PIK3C3: variants seen among roughly 807,000 people sequenced by gnomAD.
PIK3C3 encodes the protein PI3-kinase type 3.
Under a neutral mutation model 126.1 loss-of-function variants are expected in PIK3C3, and 95 were observed. The observed-to-expected ratio is 0.75, with a 90% CI of 0.64 to 0.89. PIK3C3 has a LOEUF of 0.89. PIK3C3 is among the 40% of genes least tolerant of loss of function. The probability of loss-of-function intolerance (pLI) is 0.00; values close to 1 mark genes in which losing one functional copy is unlikely to be tolerated. For missense variants in PIK3C3, 829 were observed against 1,063.2 expected (o/e 0.78, Z 3.06); for synonymous variants, 374 against 360.0 (o/e 1.04, Z -0.44).
rs1400164582 is a variant in PIK3C3, at chr18:42,086,694, T to C, written c.*5557T>C. On this transcript the variant is annotated 3_prime_UTR_variant, in exon 25 of 25. Coordinates refer to ENST00000262039, the MANE Select transcript of PIK3C3 (RefSeq NM_002647.4). Reference sequence around the variant, plus strand: ...ACAGTTTACAAATGCCATAACAACATCAGGAAGTTACCCTATATGGTCTAA... The same window carrying C: ...ACAGTTTACAAATGCCATAACAACACCAGGAAGTTACCCTATATGGTCTAA... 1 of 152,004 alleles carries C rather than the reference T, an allele frequency of 6.6e-6. No individual in the cohort carries two copies. The highest frequency in any genetic ancestry group is 1.5e-5 in the Non-Finnish European group (1 of 67,954). The allele number at this position is 152,004 out of a possible 1,614,324, so 9.4% of individuals were successfully genotyped here.
At chr18:42,076,421 A>C (rs1986035960) in intron 24 of PIK3C3, among the ~76,000 whole-genome samples, 1 of 151,986 alleles carries the variant, frequency 6.6e-6, no homozygotes, top group African/African-American at 2.4e-5. Context: ...CAGACAAGTA[A>C]GTGTGATATA....
intron 6 of PIK3C3, among the ~76,000 whole-genome samples, chr18:41,991,252 G>A (rs1295349059): frequency 6.6e-6 from 1 of 152,096 alleles, no homozygotes; most frequent in Non-Finnish European, 1.5e-5. Flanking sequence ...GGCCAGGTGT[G>A]GTGGCTCATG....
intron 10 of PIK3C3, among the ~76,000 whole-genome samples, chr18:42,012,176 C>T (rs577039950): frequency 4.4e-5 from 6 of 137,664 alleles, no homozygotes; most frequent in African/African-American, 1.6e-4. Flanking sequence ...TACAAACCTT[C>T]ATTCTGTAAA....
At chr18:41,988,316 A>G (rs891987637) in intron 5 of PIK3C3, among the ~76,000 whole-genome samples, 21 of 152,150 alleles carry the variant, frequency 1.4e-4, no homozygotes, top group Admixed American at 2.6e-4. Context: ...TATGTACTAC[A>G]TATAGGACTC....
At chr18:41,997,844 G>A (rs182959465) in intron 9 of PIK3C3, among the ~76,000 whole-genome samples, 179 of 152,182 alleles carry the variant, frequency 1.2e-3, no homozygotes, top group Non-Finnish European at 1.4e-3. Context: ...CAGTGAAGAC[G>A]TAGAAAAGAG....
chr18:42,072,412 G>A (rs991935894), intron 24 of PIK3C3, among the ~76,000 whole-genome samples: 2 of 152,100 alleles, frequency 1.3e-5, no homozygotes, highest in Non-Finnish European at 2.9e-5. Context: ...GAAGGGTAGA[G>A]ATTAAACACT....
chr18:42,082,455 T>C lies in PIK3C3; in HGVS notation c.*1318T>C, dbSNP rs541047087. 4.6e-5 allele frequency: 7 copies of C among 152,290 alleles called. No homozygotes were observed. The highest frequency in any genetic ancestry group is 2.1e-4 in the South Asian group (1 of 4,828). The allele number at this position is 152,290 out of a possible 1,614,324, so 9.4% of individuals were successfully genotyped here. On this transcript the variant is annotated 3_prime_UTR_variant, in exon 25 of 25. Coordinates refer to ENST00000262039, the MANE Select transcript of PIK3C3 (RefSeq NM_002647.4). ...AAAACATACCTGCTGATTAGAAAAA[T>C]GGTAAAAATGAAAATACCTTTGTAC...
chr18:41,995,278 A>G (rs114467769), intron 7 of PIK3C3, among the ~76,000 whole-genome samples: 115 of 152,244 alleles, frequency 7.6e-4, no homozygotes, highest in African/African-American at 2.7e-3. Flanking sequence ...ATGAAGGACA[A>G]AGGACCATAA....
chr18:42,050,838 A>G (rs1334768723), intron 21 of PIK3C3: 1 of 152,194 alleles, frequency 6.6e-6, no homozygotes, highest in Non-Finnish European at 1.5e-5. Flanking sequence ...GCCTCAGACA[A>G]GAGCCTTTGT....
intron 4 of PIK3C3, among the ~76,000 whole-genome samples, chr18:41,972,528 A>G (rs1328752857): frequency 6.6e-6 from 1 of 152,100 alleles, no homozygotes; most frequent in Non-Finnish European, 1.5e-5. Flanking sequence ...AGTCCTCCTG[A>G]TAGTAATTGG....
intron 24 of PIK3C3, 80 bp downstream of exon 24, chr18:42,067,593 C>A: frequency 6.9e-7 from 1 of 1,447,274 alleles, no homozygotes; most frequent in South Asian, 1.3e-5. Flanking sequence ...ATGCATTTCT[C>A]CTGCCAGTTG....
At chr18:42,059,671 TTAATC>T (rs1985229155) in intron 22 of PIK3C3, 1 of 152,140 alleles carries the variant, frequency 6.6e-6, no homozygotes, top group African/African-American at 2.4e-5. Flanking sequence ...CACAGAGAGA[TTAATC>T]TAAATAATTT....
intron 13 of PIK3C3, 25 bp from the exon 14 acceptor site, chr18:42,027,418 A>G (rs763691190): frequency 2.9e-6 from 4 of 1,372,218 alleles, no homozygotes; most frequent in Non-Finnish European, 3.1e-6. Context: ...TTCACATCAC[A>G]TGAATGGCTC....
At chr18:42,067,816 T>C (rs2144521271) in intron 24 of PIK3C3, among the ~76,000 whole-genome samples, 1 of 152,332 alleles carries the variant, frequency 6.6e-6, no homozygotes, top group African/African-American at 2.4e-5. Flanking sequence ...GCCTTAGCAA[T>C]TGAAACTTGG....
rs755568113 is a variant in PIK3C3, at chr18:42,040,693, C to T, written c.2055C>T (p.Ile685=). 1.2e-6 allele frequency: 2 copies of T among 1,610,552 alleles called. No homozygotes were observed. Among genetic ancestry groups the T allele is most frequent in the South Asian group, 1.1e-5 (1 of 90,842 alleles). Residue 685 remains isoleucine (I), a synonymous_variant, in exon 19 of 25, where the codon ATC becomes ATT. Transcript: ENST00000262039. ...TSTKHGFMQF[I]QSVPVAEVLD... ...TCTGTGTAGGCTTCATGCAGTTTAT[C>T]CAGTCAGTTCCTGTGGCTGAAGTTC... is the stretch of plus-strand genomic sequence containing the variant.
intron 4 of PIK3C3, among the ~76,000 whole-genome samples, chr18:41,975,952 G>C (rs1980900496): frequency 6.6e-6 from 1 of 152,188 alleles, no homozygotes; most frequent in South Asian, 2.1e-4. Flanking sequence ...TGCCTGCCTT[G>C]GCCTCCCAAA....
intron 3 of PIK3C3, among the ~76,000 whole-genome samples, chr18:41,967,109 C>T (rs1333883161): frequency 6.6e-6 from 1 of 152,122 alleles, no homozygotes; most frequent in African/African-American, 2.4e-5. Context: ...GGAGAAAAGC[C>T]AGGCATTTCC....
chr18:42,018,370 C>T (rs1007854591), intron 12 of PIK3C3, among the ~76,000 whole-genome samples: 2 of 151,968 alleles, frequency 1.3e-5, no homozygotes, highest in East Asian at 1.9e-4. Context: ...TGAAATGAAA[C>T]GTGTTTGCTA....
Position 42,076,125 on chromosome 18 carries a change from CATATAT to C in PIK3C3, c.2650-4985_2650-4980del, listed in dbSNP as rs1170833789. ...ATATATATATATATATATATATGCG[CATATAT>C]ATATATATATATGCGCATATATATA... On this transcript the variant is annotated intron_variant, in intron 24 of 24. Transcript: ENST00000262039. Among the ~76,000 whole-genome samples, 6 of 47,672 alleles carry C rather than the reference CATATAT, an allele frequency of 1.3e-4. 1 individual carries two copies. The highest frequency in any genetic ancestry group is 7.4e-4 in the East Asian group (1 of 1,358). 31.3% of individuals were successfully genotyped at this position (47,672 alleles called of 152,430 possible). A position where few individuals can be genotyped will look rare whatever the true frequency, so the allele number is the denominator to read the frequency against.
Sources: allele counts gnomAD v4.1 joint callset (sites outside exome capture counted in the v4.1 genomes callset), GRCh38; gene constraint gnomAD v4.1.1; transcripts MANE v1.5; gene names NCBI Gene and HGNC (gene_info 2026-07-23, HGNC 2026-07-21).